CCDC141: variants seen among roughly 807,000 people sequenced by gnomAD.
The protein encoded by CCDC141 is coiled-coil domain containing 141, also known as coiled-coil domain-containing protein 141.
In CCDC141, 168 loss-of-function variants were observed where a neutral mutation model predicts 181.0. The observed-to-expected ratio is 0.93, with a 90% CI of 0.82 to 1.05. The LOEUF (loss-of-function observed/expected upper bound fraction) is 1.05. CCDC141 is among the 50% of genes least tolerant of loss of function. The pLI, the probability that CCDC141 is intolerant of heterozygous loss-of-function variation, is 0.00. For missense variants in CCDC141, 1,902 were observed against 1,788.5 expected, an observed-to-expected ratio of 1.06 and a Z score of -1.14; for synonymous variants, 666 against 642.3, an observed-to-expected ratio of 1.04 and a Z score of -0.56.
Position 178,915,900 on chromosome 2 carries a change from G to T in CCDC141, c.1092+2813C>A, listed in dbSNP as rs1328870923. ...CCTCTCCTGAACCCCACCTGCTGCAGTTGCATATATCCATCTGGGTCCATC... is the reference window on the plus strand; with the variant it reads ...CCTCTCCTGAACCCCACCTGCTGCATTTGCATATATCCATCTGGGTCCATC... On this transcript the variant is annotated intron_variant, in intron 7 of 23. Transcript: ENST00000443758. 3 of 152,234 alleles carry T rather than the reference G, an allele frequency of 2.0e-5. No homozygotes were observed. In the East Asian group the frequency reaches 5.8e-4, roughly 29 times the overall value. The allele number at this position is 152,234 out of a possible 1,614,324, so 9.4% of individuals were successfully genotyped here. A position where few individuals can be genotyped will look rare whatever the true frequency, so the allele number is the denominator to read the frequency against.
At chr2:178,935,690 G>A (rs1050123448) in intron 6 of CCDC141, among the ~76,000 whole-genome samples, 3 of 151,732 alleles carry the variant, frequency 2.0e-5, no homozygotes, top group Non-Finnish European at 4.4e-5. Flanking sequence ...GCTTTAAGGA[G>A]TCTCCATACT....
chr2:179,033,764 T>C (rs886138263), intron 2 of CCDC141, among the ~76,000 whole-genome samples: 11 of 152,178 alleles, frequency 7.2e-5, no homozygotes, highest in African/African-American at 2.7e-4. Context: ...GACTACCTTC[T>C]AAATAGAAAA....
chr2:179,028,014 T>C (rs1203779885), intron 2 of CCDC141, among the ~76,000 whole-genome samples: 1 of 152,210 alleles, frequency 6.6e-6, no homozygotes, highest in African/African-American at 2.4e-5. Flanking sequence ...TTTCCTCTCA[T>C]GGTTTCCTGA....
intron 6 of CCDC141, among the ~76,000 whole-genome samples, chr2:178,923,097 T>C (rs909302513): frequency 0.012 from 683 of 55,902 alleles, no homozygotes; most frequent in Non-Finnish European, 0.014. Context: ...CACCAGTTTA[T>C]TTTTTTTTTT....
intron 11 of CCDC141, among the ~76,000 whole-genome samples, chr2:178,880,446 A>G (rs1686543573): frequency 6.6e-6 from 1 of 152,162 alleles, no homozygotes; most frequent in South Asian, 2.1e-4. Flanking sequence ...TTGAGCAGGC[A>G]GAAGATGACG....
At chr2:178,869,657 T>C (rs1686020934) in intron 14 of CCDC141, among the ~76,000 whole-genome samples, 1 of 152,228 alleles carries the variant, frequency 6.6e-6, no homozygotes, top group Non-Finnish European at 1.5e-5. Context: ...ATCTCTGATA[T>C]TTAATACAGA....
At chr2:178,865,150 T>C (rs931093900) in intron 17 of CCDC141, among the ~76,000 whole-genome samples, 15 of 152,176 alleles carry the variant, frequency 9.9e-5, no homozygotes, top group Non-Finnish European at 1.8e-4. Flanking sequence ...TGGAGGTGCA[T>C]GGATGTAGAA....
chr2:178,930,402 A>G (rs1689056898), intron 6 of CCDC141, among the ~76,000 whole-genome samples: 5 of 152,152 alleles, frequency 3.3e-5, no homozygotes, highest in Admixed American at 2.0e-4. Flanking sequence ...TAGGGATACA[A>G]TGCAATCCCT....
chr2:178,947,936 A>G (rs1364443253), intron 5 of CCDC141, among the ~76,000 whole-genome samples: 1 of 152,212 alleles, frequency 6.6e-6, no homozygotes, highest in Non-Finnish European at 1.5e-5. Context: ...ATGGTGGTTC[A>G]TGCCTGTAAA....
At chr2:178,853,173 C>A (rs527896174) in intron 20 of CCDC141, among the ~76,000 whole-genome samples, 5 of 152,272 alleles carry the variant, frequency 3.3e-5, no homozygotes, top group African/African-American at 9.6e-5. Flanking sequence ...TAGAGATGAA[C>A]AACAGGGATG....
rs60180781 is a variant in CCDC141, at chr2:178,990,139, C to CAAA, written c.226-11467_226-11465dup. Among the ~76,000 whole-genome samples, 299 of 119,240 alleles carry CAAA rather than the reference C, an allele frequency of 2.5e-3. 3 individuals carry two copies. Among genetic ancestry groups the CAAA allele is most frequent in the African/African-American group, 8.7e-3 (287 of 32,810 alleles). The allele number at this position is 119,240 out of a possible 152,430, so 78.2% of individuals were successfully genotyped here. The stretch of plus-strand genomic sequence containing the variant: ...GGACAACAAGAGCGAAATTCCATCT[C>CAAA]AAAAAAAAAAAAAAGAAAGAAAGAA... On this transcript the variant is annotated intron_variant, in intron 2 of 23. Coordinates refer to ENST00000443758, the MANE Select transcript of CCDC141 (RefSeq NM_173648.4).
intron 2 of CCDC141, among the ~76,000 whole-genome samples, chr2:178,985,082 C>G (rs567153896): frequency 6.6e-6 from 1 of 151,642 alleles, no homozygotes; most frequent in South Asian, 2.1e-4. Flanking sequence ...CTCTCCTCGG[C>G]AAATGTAAAA....
chr2:178,898,012 C>T (rs1167778501), intron 8 of CCDC141, among the ~76,000 whole-genome samples: 1 of 152,144 alleles, frequency 6.6e-6, no homozygotes, highest in Non-Finnish European at 1.5e-5. Context: ...GGCTTTCAAC[C>T]TCACTATAAG....
intron 23 of CCDC141, among the ~76,000 whole-genome samples, chr2:178,835,522 T>C (rs1684442325): frequency 6.6e-6 from 1 of 152,220 alleles, no homozygotes; most frequent in African/African-American, 2.4e-5. Context: ...TCTGTTCCCA[T>C]TGCCTAAGTG....
intron 6 of CCDC141, among the ~76,000 whole-genome samples, chr2:178,931,220 G>C (rs1474984462): frequency 3.9e-5 from 6 of 152,122 alleles, no homozygotes; most frequent in Non-Finnish European, 1.5e-5. Flanking sequence ...TACCTTTCTG[G>C]TAGAAATATA....
intron 8 of CCDC141, among the ~76,000 whole-genome samples, chr2:178,894,221 T>C (rs1387322033): frequency 6.6e-6 from 1 of 152,032 alleles, no homozygotes; most frequent in Non-Finnish European, 1.5e-5. Context: ...CCTGATCAAA[T>C]AACAGAAGTA....
Position 178,999,810 on chromosome 2 carries a change from G to A in CCDC141, c.226-21135C>T, listed in dbSNP as rs192010123. 6.2e-4 allele frequency among the ~76,000 whole-genome samples: 94 copies of A among 151,696 alleles called. 3 individuals are homozygous for A. The South Asian group carries it at 9.3e-3, about 15-fold the overall frequency. On this transcript the variant is annotated intron_variant, in intron 2 of 23. Coordinates refer to ENST00000443758, the MANE Select transcript of CCDC141 (RefSeq NM_173648.4). ...CTTGAACAACTCTTCATCATCCTTC[G>A]CAACACTATTCAGAAGTTGTCTCAG...
chr2:178,934,790 C>G (rs932681422), intron 6 of CCDC141, among the ~76,000 whole-genome samples: 38 of 152,156 alleles, frequency 2.5e-4, no homozygotes, highest in African/African-American at 8.9e-4. Context: ...TAGCAGAGAA[C>G]ACCTGCTTTC....
the CCDC141 span, among the ~76,000 whole-genome samples, chr2:178,815,695 C>A: frequency 2.0e-5 from 3 of 152,214 alleles, no homozygotes; most frequent in Non-Finnish European, 4.4e-5. Context: ...CAGATCTTCA[C>A]ATATGCTTTA....
Sources: gnomAD v4.1 joint callset for allele counts (sites outside exome capture counted in the v4.1 genomes callset) on GRCh38, gnomAD v4.1.1 for gene constraint, MANE v1.5 for transcripts, NCBI Gene and HGNC (gene_info 2026-07-23, HGNC 2026-07-21) for gene names.